The following RANBP9 variants were observed in gnomAD, a reference collection of about 807,000 sequenced individuals.
The protein encoded by RANBP9 is RAN binding protein 9.
In RANBP9, 15 loss-of-function variants were observed where a neutral mutation model predicts 84.3. The ratio of observed to expected loss-of-function variants is 0.18; its 90% CI spans 0.12 to 0.27. The LOEUF (loss-of-function observed/expected upper bound fraction) is 0.27, where lower values mean the gene tolerates loss of function less well. Among genes scored for constraint, RANBP9 ranks in the 10% least tolerant of loss-of-function variants. The pLI is 1.00. For missense variants in RANBP9, 809 were observed against 912.8 expected (o/e 0.89, Z 1.46); for synonymous variants, 392 against 349.6 (o/e 1.12, Z -1.35).
At chr6:13,691,030 G>A (rs1479849175) in intron 2 of RANBP9, among the ~76,000 whole-genome samples, 4 of 151,972 alleles carry the variant, frequency 2.6e-5, no homozygotes, top group South Asian at 2.1e-4. Context: ...AGCTGGGTGC[G>A]GTGGGGCATA....
chr6:13,696,671 C>T (rs1231819818), intron 2 of RANBP9, 114 bp downstream of exon 2: 4 of 778,276 alleles, frequency 5.1e-6, no homozygotes, highest in Admixed American at 5.6e-5. Context: ...TATTCAGATT[C>T]CACTTTTCCA....
chr6:13,702,905 A>G (rs906642159), intron 1 of RANBP9, among the ~76,000 whole-genome samples: 1 of 152,176 alleles, frequency 6.6e-6, no homozygotes, highest in Non-Finnish European at 1.5e-5. Flanking sequence ...TGCTCTCCCT[A>G]AAGTCACAAT....
intron 2 of RANBP9, among the ~76,000 whole-genome samples, chr6:13,672,462 C>T (rs1765798046): frequency 6.6e-6 from 1 of 151,890 alleles, no homozygotes; most frequent in African/African-American, 2.4e-5. Context: ...CAAAACAAGA[C>T]AAAAACCAGG....
intron 2 of RANBP9, among the ~76,000 whole-genome samples, chr6:13,662,805 G>A (rs2113292183): frequency 6.6e-6 from 1 of 152,222 alleles, no homozygotes; most frequent in Middle Eastern, 3.4e-3. Context: ...GAACCAAACA[G>A]AAATTCTGGA....
chr6:13,681,845 C>T (rs771689398), intron 2 of RANBP9, among the ~76,000 whole-genome samples: 3 of 152,012 alleles, frequency 2.0e-5, no homozygotes, highest in Non-Finnish European at 4.4e-5. Context: ...ATGACGTGAA[C>T]CTTCTGTGAA....
intron 5 of RANBP9, among the ~76,000 whole-genome samples, chr6:13,646,732 CAA>C (rs959775057): frequency 5.9e-5 from 9 of 151,764 alleles, no homozygotes; most frequent in African/African-American, 2.2e-4. Context: ...CCACAAATGG[CAA>C]AGACAAATGA....
rs112898663 is a variant in RANBP9 at position 13,649,737 on chromosome 6, G to A, written c.927+2922C>T. Among the ~76,000 whole-genome samples the A allele has an allele frequency of 7.1e-3, 1,070 of 151,520 alleles. 10 individuals are homozygous for A. Among genetic ancestry groups the A allele is most frequent in the East Asian group, 0.026 (136 of 5,156 alleles). On this transcript the variant is annotated intron_variant, in intron 5 of 13. Transcript: ENST00000011619. ...TTCTACTGCCCCCACTTCCACCACT[G>A]GCTACTACTCCATTTCTTTACTCCT...
At chr6:13,625,992 T>C (rs1335584017) in intron 12 of RANBP9, among the ~76,000 whole-genome samples, 1 of 152,186 alleles carries the variant, frequency 6.6e-6, no homozygotes, top group African/African-American at 2.4e-5. Flanking sequence ...CTCATTCAAC[T>C]TCCTCCCATC....
chr6:13,639,691 C>A lies in RANBP9; in HGVS notation c.1397G>T (p.Arg466Leu), dbSNP rs765743945. 2.5e-6 allele frequency: 4 copies of A among 1,613,940 alleles called. No homozygotes were observed. The Admixed American group carries it at 6.7e-5, about 27-fold the overall frequency. Residue 466 changes from arginine to leucine, a missense_variant, in exon 9 of 14, where the codon CGA (arginine) becomes CTA (leucine). Arg to Leu is a moderately radical substitution (Grantham distance 102). This residue lies in a region of RANBP9 where 216 missense variants were observed against 329.0 expected (regional missense o/e 0.66). Transcript: ENST00000011619. ...ATAACTGTCTTGAGACTTTGGACTT[C>A]GGCCTCCCAAACATCGTACTTCACT... is the stretch of plus-strand genomic sequence containing the variant. ...TDSEVRCLGG[R>L]SPKSQDSYPV...
chr6:13,697,880 C>T (rs553489873), intron 1 of RANBP9, among the ~76,000 whole-genome samples: 3 of 152,216 alleles, frequency 2.0e-5, no homozygotes, highest in Non-Finnish European at 2.9e-5. Flanking sequence ...CCACGCAATA[C>T]AAACTTCGCA....
intron 2 of RANBP9, among the ~76,000 whole-genome samples, chr6:13,666,523 A>C (rs552719046): frequency 6.7e-6 from 1 of 149,126 alleles, no homozygotes; most frequent in Non-Finnish European, 1.5e-5. Context: ...ATCCCAAAGG[A>C]AAACAAAACT....
chr6:13,639,565 G>A lies in RANBP9; in HGVS notation c.1523C>T (p.Ser508Leu), dbSNP rs756698498. 1 of 1,599,866 alleles carries A rather than the reference G, an allele frequency of 6.3e-7. No individual in the cohort carries two copies. The highest frequency in any genetic ancestry group is 1.1e-5 in the South Asian group (1 of 90,758). ...ASGKGSTAHF[S>L]GFESCSNGVI... is the part of the protein sequence containing the mutation. ...TAATGTCATAAGTTAAATCTCACCT[G>A]AAAAATGTGCGGTGCTTCCTTTGCC... Residue 508 changes from serine to leucine, a missense_variant and splice_region_variant, in exon 9 of 14, where the codon TCA becomes TTA. Ser to Leu is a moderately radical substitution (Grantham distance 145). Transcript: ENST00000011619.
At chr6:13,707,909 A>G (rs1315132365) in intron 1 of RANBP9, among the ~76,000 whole-genome samples, 1 of 152,250 alleles carries the variant, frequency 6.6e-6, no homozygotes, top group Non-Finnish European at 1.5e-5. Flanking sequence ...TTCAAAAATA[A>G]GAGGGGCTAT....
intron 1 of RANBP9, among the ~76,000 whole-genome samples, chr6:13,707,669 T>C (rs1462783686): frequency 6.6e-6 from 1 of 152,202 alleles, no homozygotes; most frequent in African/African-American, 2.4e-5. Context: ...CTCTCTAAAA[T>C]TTAAAATGAA....
intron 4 of RANBP9, among the ~76,000 whole-genome samples, chr6:13,653,310 G>A (rs1286958717): frequency 1.3e-5 from 2 of 152,142 alleles, no homozygotes; most frequent in African/African-American, 4.8e-5. Flanking sequence ...CAACAGTCAT[G>A]TTCTAGATAC....
At chr6:13,642,862 C>T (rs1008726438) in intron 6 of RANBP9, among the ~76,000 whole-genome samples, 1 of 152,148 alleles carries the variant, frequency 6.6e-6, no homozygotes, top group Non-Finnish European at 1.5e-5. Flanking sequence ...CATTAAATGA[C>T]CTTTTCTTTG....
intron 1 of RANBP9, among the ~76,000 whole-genome samples, chr6:13,699,690 T>C (rs1757920334): frequency 6.6e-6 from 1 of 152,144 alleles, no homozygotes; most frequent in East Asian, 1.9e-4. Flanking sequence ...GGTGAAACCC[T>C]GTCTGTACTA....
At chr6:13,649,260 ATT>A (rs915597340) in intron 5 of RANBP9, among the ~76,000 whole-genome samples, 5 of 152,260 alleles carry the variant, frequency 3.3e-5, no homozygotes, top group Non-Finnish European at 7.4e-5. Context: ...CACTGTACCC[ATT>A]GTTACAACAA....
At chr6:13,652,727 A>C (rs770629737) in intron 4 of RANBP9, 46 bp from the exon 5 acceptor site, 3 of 1,501,828 alleles carry the variant, frequency 2.0e-6, no homozygotes, top group South Asian at 2.4e-5. Flanking sequence ...TTTTCAAAGC[A>C]GACTATACTG....
Sources: allele counts gnomAD v4.1 joint callset (sites outside exome capture counted in the v4.1 genomes callset), GRCh38; gene constraint gnomAD v4.1.1; regional missense constraint gnomAD v4.1.1; transcripts MANE v1.5; gene names NCBI Gene and HGNC (gene_info 2026-07-23, HGNC 2026-07-21).